The following SLX4 variants were observed in gnomAD, a reference collection of about 807,000 sequenced individuals.
The protein encoded by SLX4 is SLX4 structure-specific endonuclease subunit.
SLX4 carries 112 observed loss-of-function variants against 146.2 expected under a neutral mutation model. That is an observed-to-expected ratio of 0.77 (90% confidence interval 0.66 to 0.90). The LOEUF is 0.90. Among genes scored for constraint, SLX4 ranks in the 40% least tolerant of loss-of-function variants. The probability of loss-of-function intolerance (pLI) is 0.00; values close to 1 mark genes in which losing one functional copy is unlikely to be tolerated. For missense variants in SLX4, 2,563 were observed against 2,392.7 expected, an observed-to-expected ratio of 1.07 and a Z score of -1.49; for synonymous variants, 1,061 against 997.7, an observed-to-expected ratio of 1.06 and a Z score of -1.20.
Position 3,589,037 on chromosome 16 carries a change from C to A in SLX4, c.4601G>T (p.Gly1534Val), listed in dbSNP as rs753047651. The A allele has an allele frequency of 5.6e-6, 9 of 1,614,178 alleles. No homozygotes were observed. The Admixed American group carries it at 1.0e-4, about 18-fold the overall frequency. Residue 1534 changes from glycine to valine, a missense_variant, in exon 12 of 15, where the codon GGT becomes GTT. By Grantham distance (109) the Gly-to-Val change is moderately radical. Transcript: ENST00000294008. This position sits in a 1 kb window ranked among gnomAD's most constrained non-coding sequence, Gnocchi z 6.2. ...TAACCCTTCGGGCTTCTGAGCTCCA[C>A]CAGCGCTTGGCATCTGGGCCGGAGG... The part of the protein sequence containing the change: ...TPPPAQMPSA[G>V]GAQKPEGLET...
At position 3,597,353 on chromosome 16, in the gene SLX4, C is replaced by A. The variant is rs2040671955; in HGVS notation, c.1683+26G>T. The A allele has an allele frequency of 1.3e-6, 2 of 1,508,818 alleles. No individual in the cohort carries two copies. The highest frequency in any genetic ancestry group is 2.8e-5 in the African/African-American group (2 of 72,540). 93.5% of individuals were successfully genotyped at this position (1,508,818 alleles called of 1,614,324 possible). A position where few individuals can be genotyped will look rare whatever the true frequency, so the allele number is the denominator to read the frequency against. The stretch of plus-strand genomic sequence containing the variant: ...TTGCCAACCTCCCCCAAAAGCCTAT[C>A]CATGTGCCTGAGGGGAGGGACTCAC... On this transcript the variant is annotated intron_variant, in intron 7 of 14. Transcript: ENST00000294008. This position sits in a 1 kb window ranked among gnomAD's most constrained non-coding sequence, Gnocchi z 4.4.
At chr16:3,585,478 T>G (rs991811630) in intron 12 of SLX4, among the ~76,000 whole-genome samples, 1 of 148,946 alleles carries the variant, frequency 6.7e-6, no homozygotes, top group Admixed American at 6.8e-5. Flanking sequence ...CCCAGCTGCT[T>G]GGGAGGCTGA....
At position 3,602,276 on chromosome 16, in the gene SLX4, G is replaced by A. The variant is rs201383482; in HGVS notation, c.792C>T (p.Ser264=). The A allele has an allele frequency of 1.5e-5, 24 of 1,614,068 alleles. No individual in the cohort carries two copies. In the East Asian group the frequency reaches 4.0e-4, roughly 27 times the overall value. Residue 264 remains serine, a synonymous_variant, in exon 4 of 15, where the codon AGC becomes AGT. Coordinates refer to ENST00000294008, the MANE Select transcript of SLX4 (RefSeq NM_032444.4). ...GCAGGGTCAAGGCCACCGCAGCGTCGCTCTCTGGGGCAGGGGGCCCAAGCC... is the reference window on the plus strand; with the variant it reads ...GCAGGGTCAAGGCCACCGCAGCGTCACTCTCTGGGGCAGGGGGCCCAAGCC... ...VYGLGPPAPE[S]DAAVALTLQQ... is the part of the protein sequence containing the mutation.
intron 5 of SLX4, among the ~76,000 whole-genome samples, chr16:3,599,699 G>A (rs1044134955): frequency 7.9e-5 from 12 of 152,210 alleles, no homozygotes; most frequent in East Asian, 1.9e-4. Context: ...TGATCCTTCC[G>A]CCTCAGCCTC....
In SLX4 at chr16:3,592,757, T is replaced by C. The variant is rs1567171612; in HGVS notation, c.2269A>G (p.Thr757Ala). Residue 757 changes from threonine to alanine, a missense_variant, in exon 11 of 15, where the codon ACT becomes GCT. Thr to Ala is a moderately conservative substitution (Grantham distance 58). Coordinates refer to ENST00000294008, the MANE Select transcript of SLX4 (RefSeq NM_032444.4). ...AARTFLHYLY[T>A]ADTGLPPGLS... ...CCAGGAGGAAGGCCAGTGTCCGCAG[T>C]GTAGAGATAGTGCAGGAACGTGCGG... is the stretch of plus-strand genomic sequence containing the variant. 3.7e-6 allele frequency: 6 copies of C among 1,613,152 alleles called. No individual in the cohort carries two copies. The highest frequency in any genetic ancestry group is 2.7e-5 in the African/African-American group (2 of 74,900).
At chr16:3,591,611 T>G (rs1212334217) in intron 11 of SLX4, among the ~76,000 whole-genome samples, 1 of 151,858 alleles carries the variant, frequency 6.6e-6, no homozygotes, top group Admixed American at 6.6e-5. Context: ...AACTGGGGAG[T>G]CTGTGCTGCC....
chr16:3,608,545 C>A lies in SLX4; in HGVS notation c.420G>T (p.Glu140Asp), dbSNP rs753015235. 10 of 1,614,070 alleles carry A rather than the reference C, an allele frequency of 6.2e-6. No individual in the cohort carries two copies. In the East Asian group the frequency reaches 1.1e-4, roughly 18 times the overall value. ...ASEPAHSVNG[E>D]GGVLASAPDP... ...CTGGAGCAGAGGCAAGCACACCCCC[C>A]TCCCCATTCACAGAGTGGGCCGGTT... The change falls in exon 2 of 15, where the codon GAG becomes GAT. Residue 140 changes from glutamate to aspartate, a missense_variant. Transcript: ENST00000294008.
At position 3,581,436 on chromosome 16, in the gene SLX4, G is replaced by C. The variant is rs2040433830; in HGVS notation, c.*906C>G. 1 of 152,852 alleles carries C rather than the reference G, an allele frequency of 6.5e-6. No homozygotes were observed. The highest frequency in any genetic ancestry group is 6.5e-5 in the Admixed American group (1 of 15,280). The allele number at this position is 152,852 out of a possible 1,614,324, so 9.5% of individuals were successfully genotyped here. A position where few individuals can be genotyped will look rare whatever the true frequency, so the allele number is the denominator to read the frequency against. On this transcript the variant is annotated 3_prime_UTR_variant, in exon 15 of 15. Coordinates refer to ENST00000294008, the MANE Select transcript of SLX4 (RefSeq NM_032444.4). ...GCACTGTCCAGTTTGGAGACTGCTG[G>C]TAACAATGACAAGTGTCCGGGTAGC... is the stretch of plus-strand genomic sequence containing the variant.
intron 10 of SLX4, 78 bp from the exon 11 acceptor site, chr16:3,592,943 C>G: frequency 7.0e-7 from 1 of 1,419,580 alleles, no homozygotes; most frequent in Non-Finnish European, 9.5e-7. Context: ...TCTGGGGTGT[C>G]CTGCAAGTCA....
At chr16:3,608,358 A>C in intron 2 of SLX4, 72 bp downstream of exon 2, 1 of 1,572,754 alleles carries the variant, frequency 6.4e-7, no homozygotes, top group Non-Finnish European at 8.7e-7. Context: ...GTGGCCTACA[A>C]AGCCAAAATA....
rs529254368 is a variant in SLX4, at chr16:3,591,762, A to G, written c.2328-452T>C. 2.6e-5 allele frequency among the ~76,000 whole-genome samples: 4 copies of G among 152,248 alleles called. No individual in the cohort carries two copies. The South Asian group carries it at 8.3e-4, about 32-fold the overall frequency. ...AACATAGAAAGTCTCCATCTCTACA[A>G]AAAAATGTAAAAATTAGCCTAGGAG... is the stretch of plus-strand genomic sequence containing the variant. On this transcript the variant is annotated intron_variant, in intron 11 of 14. Coordinates refer to ENST00000294008, the MANE Select transcript of SLX4 (RefSeq NM_032444.4).
At position 3,606,664 on chromosome 16, in the gene SLX4, A is replaced by C. The variant is rs764067884; in HGVS notation, c.570T>G (p.Pro190=). 1.8e-5 allele frequency: 29 copies of C among 1,614,084 alleles called. No individual in the cohort carries two copies. The highest frequency in any genetic ancestry group is 1.2e-4 in the Admixed American group (7 of 59,986). Residue 190 remains proline (P), a synonymous_variant, in exon 3 of 15, where the codon CCT becomes CCG. Transcript: ENST00000294008. The part of the protein sequence containing the change: ...NVPNSDSQPP[P]SCLTTAVPSP... The stretch of plus-strand genomic sequence containing the variant: ...TTGGCACTGCTGTTGTCAAACAGGA[A>C]GGAGGAGGCTGGGAGTCGCTGTTGG...
chr16:3,607,142 G>A lies in SLX4; in HGVS notation c.536-444C>T, dbSNP rs371809080. Among the ~76,000 whole-genome samples the A allele has an allele frequency of 9.2e-5, 14 of 152,136 alleles. No homozygotes were observed. The East Asian group carries it at 1.2e-3, about 13-fold the overall frequency. ...AGTTCTTCTTTAACTTGGGATCCAC[G>A]GATGATCTTCAGTGGGGATCCATGA... On this transcript the variant is annotated intron_variant, in intron 2 of 14. Coordinates refer to ENST00000294008, the MANE Select transcript of SLX4 (RefSeq NM_032444.4).
intron 5 of SLX4, among the ~76,000 whole-genome samples, chr16:3,598,938 C>T (rs1367973979): frequency 6.6e-6 from 1 of 152,210 alleles, no homozygotes; most frequent in Non-Finnish European, 1.5e-5. Context: ...GTTCTGATGA[C>T]CACAGGCTTG....
chr16:3,592,726 C>G lies in SLX4; in HGVS notation c.2300G>C (p.Ser767Thr), dbSNP rs1457071901. The G allele has an allele frequency of 6.2e-7, 1 of 1,613,380 alleles. No homozygotes were observed. The highest frequency in any genetic ancestry group is 1.1e-5 in the South Asian group (1 of 91,010). ...TADTGLPPGL[S>T]SELSSLAHRF... Reference sequence around the variant, plus strand: ...GTGGGCCAGGGAGCTCAGCTCAGAGCTAAGGCCAGGAGGAAGGCCAGTGTC... The same window carrying G: ...GTGGGCCAGGGAGCTCAGCTCAGAGGTAAGGCCAGGAGGAAGGCCAGTGTC... Residue 767 changes from serine to threonine, a missense_variant, in exon 11 of 15, where the codon AGC (serine) becomes ACC (threonine). Coordinates refer to ENST00000294008, the MANE Select transcript of SLX4 (RefSeq NM_032444.4).
intron 1 of SLX4, 144 bp from the exon 2 acceptor site, chr16:3,609,710 A>G (rs1278576307): frequency 6.6e-6 from 1 of 152,296 alleles, no homozygotes. Context: ...CCTGGTTAAC[A>G]TGGTCTAACC....
chr16:3,590,704 A>C lies in SLX4; in HGVS notation c.2934T>G (p.Asp978Glu), dbSNP rs1167854696. ...AGAGCTGTTCGTAATCCCCGGCATC[A>C]TCTGAGTGCGGAAGAGAGCCTTCTT... ...ERKEGSLPHS[D>E]DAGDYEQLFS... is the part of the protein sequence containing the mutation. Residue 978 changes from aspartate (D) to glutamate (E), a missense_variant, in exon 12 of 15, where the codon GAT (aspartate) becomes GAG (glutamate). Physicochemically the swap from Asp to Glu is conservative, Grantham distance 45 (BLOSUM62 2). Coordinates refer to ENST00000294008, the MANE Select transcript of SLX4 (RefSeq NM_032444.4). This position sits in a 1 kb window ranked among gnomAD's most constrained non-coding sequence, Gnocchi z 4.8. 6.2e-7 allele frequency: 1 copy of C among 1,614,170 alleles called. No homozygotes were observed.
At chr16:3,588,931 G>C in intron 12 of SLX4, 71 bp downstream of exon 12, 2 of 1,597,252 alleles carry the variant, frequency 1.3e-6, no homozygotes, top group East Asian at 2.2e-5. Flanking sequence ...TCTCATGACT[G>C]ATCTTCCCAC....
intron 11 of SLX4, 105 bp downstream of exon 11, chr16:3,592,594 A>G: frequency 2.3e-6 from 3 of 1,303,186 alleles, no homozygotes; most frequent in Non-Finnish European, 3.2e-6. Flanking sequence ...CAGGACTGTT[A>G]GTTCTCTTGG....
Sources: allele counts gnomAD v4.1 joint callset (sites outside exome capture counted in the v4.1 genomes callset), GRCh38; gene constraint gnomAD v4.1.1; non-coding constraint Gnocchi (gnomAD v3.1); transcripts MANE v1.5; gene names NCBI Gene and HGNC (gene_info 2026-07-23, HGNC 2026-07-21).